Variants in ASNSD1 observed in about 807,000 individuals in gnomAD.
ASNSD1 encodes asparagine synthetase domain-containing protein 1.
ASNSD1 carries 36 observed loss-of-function variants against 48.3 expected under a neutral mutation model. That is an observed-to-expected ratio of 0.75 (90% CI 0.57 to 0.99). ASNSD1 has a LOEUF of 0.99. Ranked by LOEUF, ASNSD1 falls within the 50% of genes least tolerant of loss-of-function variation. ASNSD1 has a pLI of 0.00. For synonymous variants in ASNSD1, 257 were observed against 262.1 expected (o/e 0.98, Z 0.19); for missense variants, 714 against 758.2 (o/e 0.94, Z 0.69).
At chr2:189,669,721 AT>A (rs2105689872) in intron 5 of ASNSD1, among the ~76,000 whole-genome samples, 1 of 152,270 alleles carries the variant, frequency 6.6e-6, no homozygotes. Context: ...AAAGAACATA[AT>A]TTTCTAGAAA....
rs554892022 is a variant in ASNSD1 at position 189,670,652 on chromosome 2, G to T, written c.1858G>T (p.Ala620Ser). ...AAAAATGGAAAAAATTAATGAAAAG[G>T]CATCTGATAAATGTGGACGGCTCCA... ...IAKMEKINEK[A>S]SDKCGRLQIM... Residue 620 changes from alanine to serine, a missense_variant, in exon 6 of 6, where the codon GCA becomes TCA. Coordinates refer to ENST00000260952, the MANE Select transcript of ASNSD1 (RefSeq NM_019048.4). 1 of 1,613,824 alleles carries T rather than the reference G, an allele frequency of 6.2e-7. No homozygotes were observed. Among genetic ancestry groups the T allele is most frequent in the East Asian group, 2.2e-5 (1 of 44,858 alleles).
rs751927073 is a variant in ASNSD1 at position 189,667,113 on chromosome 2, T to G, written c.981T>G (p.Ser327=). The change falls in exon 4 of 6, where the codon TCT becomes TCG. Residue 327 remains serine, a synonymous_variant. Transcript: ENST00000260952. ...DRKANVAILF[S]GGIDSMVIAT... is the part of the protein sequence containing the mutation. ...AAGCAAATGTTGCAATCCTGTTTTC[T>G]GGGGGCATTGATTCCATGGTTATTG... The G allele has an allele frequency of 6.2e-7, 1 of 1,614,220 alleles. No individual in the cohort carries two copies. Among genetic ancestry groups the G allele is most frequent in the Non-Finnish European group, 8.5e-7 (1 of 1,180,032 alleles).
chr2:189,668,208 T>A (rs2032855041), intron 5 of ASNSD1, among the ~76,000 whole-genome samples: 1 of 152,178 alleles, frequency 6.6e-6, no homozygotes, highest in Non-Finnish European at 1.5e-5. Flanking sequence ...TTTTTAAGAC[T>A]ATAGTGAAAA....
chr2:189,666,280 T>C lies in ASNSD1; in HGVS notation c.148T>C (p.Ser50Pro). The change falls in exon 4 of 6, where the codon TCT becomes CCT. Residue 50 changes from serine (S) to proline (P), a missense_variant. Ser to Pro is a moderately conservative substitution (Grantham distance 74, BLOSUM62 -1). Coordinates refer to ENST00000260952, the MANE Select transcript of ASNSD1 (RefSeq NM_019048.4). ...KSDVNYQCLFSAHVLHLRGVL... is the reference protein window; with the variant it reads ...KSDVNYQCLFPAHVLHLRGVL... Reference sequence around the variant, plus strand: ...TGATGTTAACTACCAGTGTTTATTTTCTGCTCACGTCCTACACTTGAGGGG... The same window carrying C: ...TGATGTTAACTACCAGTGTTTATTTCCTGCTCACGTCCTACACTTGAGGGG... 6.2e-7 allele frequency: 1 copy of C among 1,614,176 alleles called. No homozygotes were observed. Among genetic ancestry groups the C allele is most frequent in the South Asian group, 1.1e-5 (1 of 91,076 alleles).
intron 1 of ASNSD1, among the ~76,000 whole-genome samples, chr2:189,662,625 C>A (rs542328714): frequency 6.6e-6 from 1 of 152,132 alleles, no homozygotes; most frequent in Non-Finnish European, 1.5e-5. Flanking sequence ...AAGCCACTTA[C>A]GCATACTGGT....
chr2:189,669,845 C>T (rs2032891518), intron 5 of ASNSD1, among the ~76,000 whole-genome samples: 1 of 151,992 alleles, frequency 6.6e-6, no homozygotes, highest in Non-Finnish European at 1.5e-5. Flanking sequence ...AGTAATTTAT[C>T]ACCATTTAAT....
intron 1 of ASNSD1, among the ~76,000 whole-genome samples, chr2:189,663,398 C>T (rs2032715836): frequency 6.6e-6 from 1 of 152,016 alleles, no homozygotes; most frequent in African/African-American, 2.4e-5. Flanking sequence ...GGATTACAGG[C>T]ATGTGCCACT....
intron 4 of ASNSD1, 79 bp from the exon 5 acceptor site, chr2:189,667,684 CA>C: frequency 6.5e-7 from 1 of 1,536,774 alleles, no homozygotes; most frequent in Non-Finnish European, 8.7e-7. Context: ...AAGAATATAG[CA>C]TATTTTAGGT....
In ASNSD1 at chr2:189,667,063, G is replaced by GAAGTTTTGA. The variant is rs1426679284; in HGVS notation, c.934_942dup (p.Val312_Lys314dup). On this transcript the variant is annotated inframe_insertion, in exon 4 of 6. Coordinates refer to ENST00000260952, the MANE Select transcript of ASNSD1 (RefSeq NM_019048.4). ...TAGGGATGAAAACCTGACAGCAAAT[G>GAAGTTTTGA]AAGTTTTGAAAACGTGTGATAGGAA... is the stretch of plus-strand genomic sequence containing the variant. 6.2e-7 allele frequency: 1 copy of GAAGTTTTGA among 1,614,108 alleles called. No homozygotes were observed. The highest frequency in any genetic ancestry group is 8.5e-7 in the Non-Finnish European group (1 of 1,179,978).
In ASNSD1 at chr2:189,670,541, C is replaced by CT; in HGVS notation, c.1751dup (p.Leu584PhefsTer34). The CT allele has an allele frequency of 6.2e-7, 1 of 1,614,152 alleles. No individual in the cohort carries two copies. The highest frequency in any genetic ancestry group is 8.5e-7 in the Non-Finnish European group (1 of 1,180,000). ...ACCCCGAGGAATTGGTGAAAAATTA[C>CT]TTTTACGCCTTGCAGCTGTGGAACT... On this transcript the variant is annotated frameshift_variant, in exon 6 of 6. Coordinates refer to ENST00000260952, the MANE Select transcript of ASNSD1 (RefSeq NM_019048.4). LOFTEE classifies it high-confidence loss of function.
At position 189,667,043 on chromosome 2, in the gene ASNSD1, A is replaced by T; in HGVS notation, c.911A>T (p.Asp304Val). 6.2e-7 allele frequency: 1 copy of T among 1,614,104 alleles called. No homozygotes were observed. The change falls in exon 4 of 6, where the codon GAT (aspartate) becomes GTT (valine). Residue 304 changes from aspartate (D) to valine (V), a missense_variant. Asp to Val is a radical substitution (Grantham distance 152, BLOSUM62 -3). Transcript: ENST00000260952. ...AAACGTGTCTTGTGTTTACCTAGGG[A>T]TGAAAACCTGACAGCAAATGAAGTT... ...VKKRVLCLPR[D>V]ENLTANEVLK...
chr2:189,670,298 G>T (rs1420437590), intron 5 of ASNSD1, 143 bp from the exon 6 acceptor site: 5 of 587,614 alleles, frequency 8.5e-6, no homozygotes, highest in African/African-American at 3.8e-5. Context: ...TATTTATTGA[G>T]ATTTAGACTA....
At chr2:189,661,979 C>T (rs796590523) in intron 1 of ASNSD1, among the ~76,000 whole-genome samples, 10 of 152,296 alleles carry the variant, frequency 6.6e-5, no homozygotes, top group African/African-American at 2.2e-4. Context: ...CCATCCTTGA[C>T]CCCCATCATG....
At position 189,666,105 on chromosome 2, in the gene ASNSD1, G is replaced by C; in HGVS notation, c.-28G>C. 1.3e-6 allele frequency: 2 copies of C among 1,498,254 alleles called. No individual in the cohort carries two copies. Among genetic ancestry groups the C allele is most frequent in the Non-Finnish European group, 1.8e-6 (2 of 1,127,404 alleles). 92.8% of individuals were successfully genotyped at this position (1,498,254 alleles called of 1,614,324 possible). A position where few individuals can be genotyped will look rare whatever the true frequency, so the allele number is the denominator to read the frequency against. On this transcript the variant is annotated 5_prime_UTR_variant, in exon 4 of 6. Transcript: ENST00000260952. ...AAAACTTAGACAAGACCAAAATCAA[G>C]AAATAGTCAACCTGATTTCACATAA...
chr2:189,667,721 G>A, intron 4 of ASNSD1, 43 bp from the exon 5 acceptor site: 1 of 1,568,784 alleles, frequency 6.4e-7, no homozygotes, highest in Non-Finnish European at 8.6e-7. Context: ...TCTTTACTGT[G>A]TAGTTGATAA....
At chr2:189,665,478 T>TG (rs1372008162) in intron 3 of ASNSD1, 27 bp downstream of exon 3, 4 of 396,004 alleles carry the variant, frequency 1.0e-5, no homozygotes, top group African/African-American at 2.1e-5. Context: ...TTGGGGTTTT[T>TG]GGGGGGTGCC....
At position 189,666,700 on chromosome 2, in the gene ASNSD1, G is replaced by A. The variant is rs1437880; in HGVS notation, c.568G>A (p.Gly190Arg). 1 allele frequency: 1,608,637 copies of A among 1,612,974 alleles called. 802,261 individuals are homozygous for A. The highest frequency in any genetic ancestry group is 1 in the Non-Finnish European group (1,178,958 of 1,179,004). ...RIDLKSTVIS[G>R]CIILQLYPWK... ...TGATCTTAAGTCTACTGTCATTTCC[G>A]GATGCATTATTTTACAACTGTATCC... The change falls in exon 4 of 6, where the codon GGA becomes AGA. Residue 190 changes from glycine to arginine, a missense_variant. Coordinates refer to ENST00000260952, the MANE Select transcript of ASNSD1 (RefSeq NM_019048.4).
chr2:189,662,893 G>A (rs1040168526), intron 1 of ASNSD1, among the ~76,000 whole-genome samples: 8 of 146,862 alleles, frequency 5.4e-5, no homozygotes, highest in Non-Finnish European at 5.9e-5. Flanking sequence ...AAGCTGCAGT[G>A]AGCCGTGATC....
rs948529586 is a variant in ASNSD1, at chr2:189,670,448, T to C, written c.1654T>C (p.Phe552Leu). Residue 552 changes from phenylalanine (F) to leucine (L), a missense_variant, in exon 6 of 6, where the codon TTC (phenylalanine) becomes CTC (leucine). Transcript: ENST00000260952. ...ATTATCTGTCTATTTTAGATTTCCT[T>C]TCCTGGATGAAAATGTTGTCTCCTT... ...GDHGKEARFP[F>L]LDENVVSFLN... 3.1e-6 allele frequency: 5 copies of C among 1,607,892 alleles called. No individual in the cohort carries two copies. Among genetic ancestry groups the C allele is most frequent in the Non-Finnish European group, 4.3e-6 (5 of 1,175,960 alleles).
Sources: gnomAD v4.1 joint callset for allele counts (sites outside exome capture counted in the v4.1 genomes callset) on GRCh38, gnomAD v4.1.1 for gene constraint, MANE v1.5 for transcripts, NCBI Gene and HGNC (gene_info 2026-07-23, HGNC 2026-07-21) for gene names.